Variants in ARB2A observed in about 807,000 individuals in gnomAD.
The protein encoded by ARB2A is ARB2 cotranscriptional regulator A, also known as cotranscriptional regulator ARB2A.
At chr5:93,967,225 G>A in the ARB2A span, among the ~76,000 whole-genome samples, 1 of 152,098 alleles carries the variant, frequency 6.6e-6, no homozygotes, top group African/African-American at 2.4e-5. Flanking sequence ...TGTGTTTATA[G>A]ATGGAAAAGA....
chr5:93,853,464 A>C, the ARB2A span, among the ~76,000 whole-genome samples: 3 of 152,012 alleles, frequency 2.0e-5, no homozygotes, highest in African/African-American at 7.3e-5. Flanking sequence ...TCTCCTGCCT[A>C]ATTGCCCTGG....
At chr5:93,881,576 C>CTT in the ARB2A span, 1 of 1,610,994 alleles carries the variant, frequency 6.2e-7, no homozygotes, top group Non-Finnish European at 8.5e-7. Flanking sequence ...TTTTCTTTCC[C>CTT]GTTTTTCTGC....
chr5:93,720,013 G>A, the ARB2A span, among the ~76,000 whole-genome samples: 148 of 152,228 alleles, frequency 9.7e-4, no homozygotes, highest in African/African-American at 3.5e-3. Context: ...TGCTCAGGCC[G>A]TCATGCCGTT....
chr5:94,056,605 A>G, the ARB2A span, among the ~76,000 whole-genome samples: 10 of 152,176 alleles, frequency 6.6e-5, no homozygotes, highest in African/African-American at 2.4e-4. Flanking sequence ...GCATGGCTCT[A>G]GTGGTTAAAG....
the ARB2A span, among the ~76,000 whole-genome samples, chr5:93,948,515 T>C: frequency 6.6e-6 from 1 of 152,062 alleles, no homozygotes; most frequent in African/African-American, 2.4e-5. Flanking sequence ...TTAGTTTAAT[T>C]AGATCCCATT....
At chr5:93,748,415 AG>A in the ARB2A span, among the ~76,000 whole-genome samples, 1 of 152,102 alleles carries the variant, frequency 6.6e-6, no homozygotes, top group African/African-American at 2.4e-5. Context: ...GGAGGCTCTG[AG>A]GGTAACCCTA....
the ARB2A span, among the ~76,000 whole-genome samples, chr5:93,932,928 C>A: frequency 3.9e-5 from 6 of 152,246 alleles, no homozygotes; most frequent in East Asian, 3.9e-4. Flanking sequence ...TATCCAGAAT[C>A]TACAAGGAAC....
At chr5:93,947,022 T>G in the ARB2A span, among the ~76,000 whole-genome samples, 2 of 152,224 alleles carry the variant, frequency 1.3e-5, no homozygotes, top group African/African-American at 2.4e-5. Context: ...TCCTCTGTGC[T>G]ATATTCTGCA....
chr5:94,023,326 A>T, the ARB2A span, among the ~76,000 whole-genome samples: 3 of 152,216 alleles, frequency 2.0e-5, no homozygotes, highest in African/African-American at 7.2e-5. Context: ...ATCCCTTCCA[A>T]GGATAGAATG....
the ARB2A span, among the ~76,000 whole-genome samples, chr5:94,101,232 C>A: frequency 2.4e-4 from 37 of 152,190 alleles, no homozygotes; most frequent in Non-Finnish European, 4.7e-4. Context: ...TAGAGAAATG[C>A]AAATCAAAAC....
the ARB2A span, among the ~76,000 whole-genome samples, chr5:93,679,410 G>A: frequency 6.6e-6 from 1 of 151,822 alleles, no homozygotes; most frequent in African/African-American, 2.4e-5. Flanking sequence ...TATTATCTTC[G>A]ATTTTTCACT....
the ARB2A span, among the ~76,000 whole-genome samples, chr5:94,075,271 T>C: frequency 6.6e-6 from 1 of 152,048 alleles, no homozygotes; most frequent in Non-Finnish European, 1.5e-5. Flanking sequence ...TTTCCTATAG[T>C]GTAATTAAAA....
chr5:93,870,099 C>A, the ARB2A span, among the ~76,000 whole-genome samples: 1 of 152,208 alleles, frequency 6.6e-6, no homozygotes, highest in Non-Finnish European at 1.5e-5. Context: ...CTAAAATGGG[C>A]AAGTGATTCT....
chr5:94,035,247 A>ACATATACATATACATCAC, the ARB2A span, among the ~76,000 whole-genome samples: 1 of 152,000 alleles, frequency 6.6e-6, no homozygotes, highest in Non-Finnish European at 1.5e-5. Context: ...ATATACATAT[A>ACATATACATATACATCAC]CATATACATC....
chr5:94,001,842 A>G, the ARB2A span, among the ~76,000 whole-genome samples: 1 of 152,080 alleles, frequency 6.6e-6, no homozygotes, highest in Non-Finnish European at 1.5e-5. Flanking sequence ...AATTGTTTTT[A>G]GTGCCTTTAG....
At chr5:93,995,595 TA>T in the ARB2A span, among the ~76,000 whole-genome samples, 1 of 152,170 alleles carries the variant, frequency 6.6e-6, no homozygotes, top group Non-Finnish European at 1.5e-5. Flanking sequence ...AGAAGGCTAA[TA>T]GCTAAGTTTT....
the ARB2A span, among the ~76,000 whole-genome samples, chr5:93,872,973 A>G: frequency 4.9e-4 from 74 of 152,200 alleles, no homozygotes; most frequent in African/African-American, 1.6e-3. Flanking sequence ...AACACAATGT[A>G]CTAATTTTCC....
chr5:94,054,619 G>A, the ARB2A span, among the ~76,000 whole-genome samples: 90 of 152,060 alleles, frequency 5.9e-4, no homozygotes, highest in Non-Finnish European at 1.1e-3. Context: ...CCACTATAAC[G>A]TTACTGTTTT....
the ARB2A span, among the ~76,000 whole-genome samples, chr5:93,704,402 A>T: frequency 1.1e-3 from 160 of 152,258 alleles, no homozygotes; most frequent in Admixed American, 1.9e-3. Context: ...AAACAAAACA[A>T]AAATAAATAA....
Sources: gnomAD v4.1 joint callset for allele counts (sites outside exome capture counted in the v4.1 genomes callset) on GRCh38, gnomAD v4.1.1 for gene constraint, MANE v1.5 for transcripts, NCBI Gene and HGNC (gene_info 2026-07-23, HGNC 2026-07-21) for gene names.